The following CTNNA2 variants were observed in gnomAD, a reference collection of about 807,000 sequenced individuals.
CTNNA2 encodes catenin alpha 2, also known as catenin alpha-2.
A neutral mutation model predicts 101.0 loss-of-function variants in CTNNA2; 42 were observed. The ratio of observed to expected loss-of-function variants is 0.42; its 90% CI spans 0.32 to 0.54. The LOEUF (loss-of-function observed/expected upper bound fraction) is 0.54, where lower values mean the gene tolerates loss of function less well. CTNNA2 is among the 20% of genes least tolerant of loss of function. CTNNA2 has a pLI of 0.14. For missense variants in CTNNA2, 871 were observed against 1,223.1 expected, an observed-to-expected ratio of 0.71 and a Z score of 4.29; for synonymous variants, 450 against 456.4, an observed-to-expected ratio of 0.99 and a Z score of 0.18.
chr2:80,587,398 G>A (rs11898421), intron 14 of CTNNA2, among the ~76,000 whole-genome samples: 10,016 of 152,132 alleles, frequency 0.066, 597 homozygotes, highest in African/African-American at 0.16. Flanking sequence ...AATGGCAGCA[G>A]TTATAATATA....
intron 7 of CTNNA2, among the ~76,000 whole-genome samples, chr2:79,998,610 C>A (rs531868777): frequency 3.3e-5 from 5 of 152,076 alleles, no homozygotes; most frequent in Admixed American, 3.3e-4. Flanking sequence ...GAAAGATAAA[C>A]CTTCCCAAAC....
chr2:79,277,619 A>T (rs1675247081), intron 2 of CTNNA2, among the ~76,000 whole-genome samples: 1 of 152,090 alleles, frequency 6.6e-6, no homozygotes, highest in Admixed American at 6.6e-5. Flanking sequence ...CATAGGTGTT[A>T]TAATCCTCAT....
At chr2:79,558,017 G>A (rs992927554) in intron 1 of CTNNA2, among the ~76,000 whole-genome samples, 5 of 151,906 alleles carry the variant, frequency 3.3e-5, no homozygotes, top group Non-Finnish European at 5.9e-5. Context: ...TACACACATA[G>A]AGATTTATAC....
intron 7 of CTNNA2, among the ~76,000 whole-genome samples, chr2:79,912,134 A>G (rs1445800128): frequency 6.6e-6 from 1 of 152,240 alleles, no homozygotes; most frequent in Non-Finnish European, 1.5e-5. Flanking sequence ...TACCATTAGG[A>G]TAAACAAGTT....
intron 6 of CTNNA2, among the ~76,000 whole-genome samples, chr2:79,893,547 C>T (rs1161216930): frequency 6.6e-6 from 1 of 152,178 alleles, no homozygotes; most frequent in African/African-American, 2.4e-5. Flanking sequence ...TAGACATTTA[C>T]AATCCAACCT....
In CTNNA2 at chr2:79,707,042, G is replaced by A. The variant is rs17728938; in HGVS notation, c.103-37345G>A. On this transcript the variant is annotated intron_variant, in intron 2 of 18. Transcript: ENST00000402739. ...CTACTTTGTATGTTATAAAACACAG[G>A]ATCAGAACTGCCATTTGCACATTTG... 8.7e-3 allele frequency among the ~76,000 whole-genome samples: 1,327 copies of A among 152,180 alleles called. 6 individuals are homozygous for A. Among genetic ancestry groups the A allele is most frequent in the Non-Finnish European group, 0.015 (1,000 of 68,000 alleles).
chr2:80,481,380 G>T (rs1474749032), intron 9 of CTNNA2, among the ~76,000 whole-genome samples: 1 of 152,060 alleles, frequency 6.6e-6, no homozygotes, highest in Admixed American at 6.6e-5. Context: ...AATAGTACCT[G>T]CTTCATAGGG....
At chr2:79,518,488 G>A (rs1573225134) in intron 1 of CTNNA2, among the ~76,000 whole-genome samples, 2 of 152,112 alleles carry the variant, frequency 1.3e-5, no homozygotes, top group East Asian at 3.8e-4. Flanking sequence ...TCTGCAGTAG[G>A]TCCAATATCT....
At chr2:79,919,742 C>G (rs191314706) in intron 7 of CTNNA2, among the ~76,000 whole-genome samples, 1 of 152,202 alleles carries the variant, frequency 6.6e-6, no homozygotes, top group Non-Finnish European at 1.5e-5. Flanking sequence ...CTGGATCTCT[C>G]GTTCCCGAAT....
chr2:79,923,832 A>C (rs1208463115), intron 7 of CTNNA2, among the ~76,000 whole-genome samples: 1 of 152,056 alleles, frequency 6.6e-6, no homozygotes, highest in East Asian at 1.9e-4. Context: ...CATAAAATTG[A>C]GATTGTATAG....
At chr2:79,373,584 G>T (rs1677920671) in intron 3 of CTNNA2, among the ~76,000 whole-genome samples, 1 of 152,102 alleles carries the variant, frequency 6.6e-6, no homozygotes, top group South Asian at 2.1e-4. Context: ...GGGATAAAAA[G>T]CAGGCTCTGC....
chr2:80,085,305 C>A (rs546487072), intron 7 of CTNNA2, among the ~76,000 whole-genome samples: 2 of 152,004 alleles, frequency 1.3e-5, no homozygotes, highest in Non-Finnish European at 2.9e-5. Flanking sequence ...ATGCACTTGT[C>A]CCCCAGAGCT....
chr2:79,189,770 A>G (rs1474133809), intron 1 of CTNNA2, among the ~76,000 whole-genome samples: 4 of 152,170 alleles, frequency 2.6e-5, no homozygotes, highest in Admixed American at 6.5e-5. Flanking sequence ...CTTCTTGATG[A>G]TTACCTTTCA....
intron 3 of CTNNA2, among the ~76,000 whole-genome samples, chr2:79,830,220 T>C (rs1678824138): frequency 6.6e-6 from 1 of 152,116 alleles, no homozygotes; most frequent in Non-Finnish European, 1.5e-5. Context: ...ACTCCTGTCA[T>C]TGGTGACAGG....
chr2:79,922,025 A>G (rs1396502160), intron 7 of CTNNA2, among the ~76,000 whole-genome samples: 1 of 152,230 alleles, frequency 6.6e-6, no homozygotes, highest in African/African-American at 2.4e-5. Flanking sequence ...TCCTGCCTCC[A>G]GTCCTGCACC....
intron 8 of CTNNA2, among the ~76,000 whole-genome samples, chr2:80,410,491 G>GAA (rs1679471262): frequency 6.6e-6 from 1 of 152,150 alleles, no homozygotes; most frequent in South Asian, 2.1e-4. Context: ...TAAACCATTG[G>GAA]AAAAACGTCT....
intron 7 of CTNNA2, among the ~76,000 whole-genome samples, chr2:80,055,161 C>T (rs554024529): frequency 6.6e-5 from 10 of 152,082 alleles, no homozygotes; most frequent in Non-Finnish European, 8.8e-5. Context: ...CAAATAGCTG[C>T]GACTACAGGC....
chr2:79,859,816 C>A (rs573532177), intron 4 of CTNNA2, among the ~76,000 whole-genome samples: 1 of 152,180 alleles, frequency 6.6e-6, no homozygotes, highest in Non-Finnish European at 1.5e-5. Flanking sequence ...TGGGTTTCAT[C>A]TTGGTTTGGT....
At chr2:80,175,207 AC>A (rs1305392840) in intron 7 of CTNNA2, among the ~76,000 whole-genome samples, 1 of 152,080 alleles carries the variant, frequency 6.6e-6, no homozygotes, top group Non-Finnish European at 1.5e-5. Context: ...TTCAGATCCC[AC>A]CTCAACCATT....
Sources: gnomAD v4.1 joint callset for allele counts (sites outside exome capture counted in the v4.1 genomes callset) on GRCh38, gnomAD v4.1.1 for gene constraint, MANE v1.5 for transcripts, NCBI Gene and HGNC (gene_info 2026-07-23, HGNC 2026-07-21) for gene names.